AMBRA1: variants seen among roughly 807,000 people sequenced by gnomAD.
The protein encoded by AMBRA1 is autophagy and beclin 1 regulator 1.
Under a neutral mutation model 125.4 loss-of-function variants are expected in AMBRA1, and 47 were observed. That is an observed-to-expected ratio of 0.37 (90% CI 0.30 to 0.48). AMBRA1 has a LOEUF of 0.48. Ranked by LOEUF, AMBRA1 falls within the 20% of genes least tolerant of loss-of-function variation. AMBRA1 has a pLI of 0.99. For synonymous variants in AMBRA1, 626 were observed against 655.5 expected (o/e 0.95, Z 0.69); for missense variants, 1,331 against 1,693.4 (o/e 0.79, Z 3.76).
chr11:46,427,851 A>C (rs1019666638), intron 14 of AMBRA1, among the ~76,000 whole-genome samples: 3 of 152,070 alleles, frequency 2.0e-5, no homozygotes, highest in Admixed American at 6.6e-5. Flanking sequence ...TCTACTAAAA[A>C]TACAAAAATT....
chr11:46,565,717 T>C (rs570593438), intron 1 of AMBRA1, among the ~76,000 whole-genome samples: 1 of 152,030 alleles, frequency 6.6e-6, no homozygotes, highest in Admixed American at 6.5e-5. Context: ...AAAAAAAACG[T>C]GTATAAAAAT....
chr11:46,588,724 G>A (rs916550753), intron 1 of AMBRA1, among the ~76,000 whole-genome samples: 2 of 149,226 alleles, frequency 1.3e-5, no homozygotes, highest in African/African-American at 2.5e-5. Flanking sequence ...GCAGTGAGCC[G>A]AGATCGCGCC....
At chr11:46,536,205 G>C (rs909942116) in intron 7 of AMBRA1, among the ~76,000 whole-genome samples, 1 of 152,176 alleles carries the variant, frequency 6.6e-6, no homozygotes, top group Non-Finnish European at 1.5e-5. Context: ...CATTTACTGA[G>C]CATCTACTGT....
chr11:46,569,465 A>ATATAT (rs1351666371), intron 1 of AMBRA1, among the ~76,000 whole-genome samples: 1 of 147,648 alleles, frequency 6.8e-6, no homozygotes, highest in African/African-American at 2.5e-5. Context: ...ATATATATAT[A>ATATAT]AAGTGCCAAG....
chr11:46,579,777 A>G (rs184107651), intron 1 of AMBRA1, among the ~76,000 whole-genome samples: 18 of 152,270 alleles, frequency 1.2e-4, no homozygotes, highest in Admixed American at 1.2e-3. Context: ...CAGTGACATG[A>G]TATCAGCTCA....
rs866080466 is a variant in AMBRA1 at position 46,496,126 on chromosome 11, C to T, written c.2340-1922G>A. Among the ~76,000 whole-genome samples the T allele has an allele frequency of 8.5e-5, 13 of 152,112 alleles. No homozygotes were observed. In the South Asian group the frequency reaches 1.5e-3, roughly 17 times the overall value. ...CAGTGGCTCACACCTGTAATCCCAA[C>T]ACTCTGGGAGGCTGAGGCAGGAGGA... On this transcript the variant is annotated intron_variant, in intron 9 of 17. Coordinates refer to ENST00000683756, the MANE Select transcript of AMBRA1 (RefSeq NM_001387011.1).
At chr11:46,567,373 T>C (rs1009170634) in intron 1 of AMBRA1, among the ~76,000 whole-genome samples, 2 of 149,586 alleles carry the variant, frequency 1.3e-5, no homozygotes, top group African/African-American at 4.9e-5. Flanking sequence ...AGCACGGCCT[T>C]ATTTATTTTT....
intron 13 of AMBRA1, 103 bp downstream of exon 13, chr11:46,434,746 A>G: frequency 8.2e-7 from 1 of 1,221,366 alleles, no homozygotes; most frequent in Non-Finnish European, 1.1e-6. Flanking sequence ...AGGTAGGGGC[A>G]GTATGTGACC....
intron 11 of AMBRA1, among the ~76,000 whole-genome samples, chr11:46,465,894 C>A (rs1949302811): frequency 6.6e-6 from 1 of 152,162 alleles, no homozygotes; most frequent in African/African-American, 2.4e-5. Flanking sequence ...GCTGTGCCAA[C>A]CAGCGACAGT....
chr11:46,417,407 G>A (rs1000299964), intron 15 of AMBRA1, among the ~76,000 whole-genome samples: 1 of 152,180 alleles, frequency 6.6e-6, no homozygotes, highest in African/African-American at 2.4e-5. Context: ...CAAGCAGAAA[G>A]GAAAACAAGC....
Position 46,508,346 on chromosome 11 carries a change from G to A in AMBRA1, c.2184C>T (p.Ala728=). 1 of 1,614,154 alleles carries A rather than the reference G, an allele frequency of 6.2e-7. No individual in the cohort carries two copies. The highest frequency in any genetic ancestry group is 8.5e-7 in the Non-Finnish European group (1 of 1,180,010). The change falls in exon 9 of 18, where the codon GCC becomes GCT. Residue 728 remains alanine, a synonymous_variant. Coordinates refer to ENST00000683756, the MANE Select transcript of AMBRA1 (RefSeq NM_001387011.1). Reference sequence around the variant, plus strand: ...GTGAGAGATACTGGATCATCCTCTGGGCGTAGTATGCAGCAGGAGATAATC... The same window carrying A: ...GTGAGAGATACTGGATCATCCTCTGAGCGTAGTATGCAGCAGGAGATAATC... ...PARLSPAAYY[A]QRMIQYLSRR... is the part of the protein sequence containing the mutation.
intron 1 of AMBRA1, among the ~76,000 whole-genome samples, chr11:46,584,595 C>A (rs1027976340): frequency 6.6e-6 from 1 of 151,700 alleles, no homozygotes; most frequent in Non-Finnish European, 1.5e-5. Flanking sequence ...GCTATAATCA[C>A]TAGAAAGAAT....
chr11:46,462,959 G>A (rs930888053), intron 11 of AMBRA1, among the ~76,000 whole-genome samples: 7 of 151,846 alleles, frequency 4.6e-5, no homozygotes, highest in Non-Finnish European at 8.8e-5. Context: ...TCACCATATT[G>A]GCCAGGCTGG....
At chr11:46,416,928 G>A (rs1946570981) in intron 15 of AMBRA1, among the ~76,000 whole-genome samples, 1 of 152,188 alleles carries the variant, frequency 6.6e-6, no homozygotes, top group South Asian at 2.1e-4. Context: ...ATGGATGCCT[G>A]GAGAAACTCT....
intron 1 of AMBRA1, among the ~76,000 whole-genome samples, chr11:46,559,136 C>T (rs1799418276): frequency 6.6e-6 from 1 of 152,000 alleles, no homozygotes; most frequent in Non-Finnish European, 1.5e-5. Context: ...CCCGTCTCTA[C>T]TAAAAATGCA....
chr11:46,512,794 G>T lies in AMBRA1; in HGVS notation c.2092C>A (p.Leu698Ile). ...CCATCATAACGGGATAATGAAATGA[G>T]GGAAGATTCCAGCAGCCTCCTAGCA... ...SLRRRLLESS[L>I]ISLSRYDGAG... The change falls in exon 8 of 18, where the codon CTC (leucine) becomes ATC (isoleucine). Residue 698 changes from leucine to isoleucine, a missense_variant. Leu to Ile is a conservative substitution (Grantham distance 5). Coordinates refer to ENST00000683756, the MANE Select transcript of AMBRA1 (RefSeq NM_001387011.1). 1 of 1,612,944 alleles carries T rather than the reference G, an allele frequency of 6.2e-7. No individual in the cohort carries two copies. Among genetic ancestry groups the T allele is most frequent in the South Asian group, 1.1e-5 (1 of 90,850 alleles).
intron 11 of AMBRA1, among the ~76,000 whole-genome samples, chr11:46,453,746 T>C (rs1430433702): frequency 6.6e-6 from 1 of 152,188 alleles, no homozygotes; most frequent in African/African-American, 2.4e-5. Flanking sequence ...AAGCACCACG[T>C]GGCTGTCTAT....
chr11:46,533,602 G>A (rs1952320244), intron 7 of AMBRA1, among the ~76,000 whole-genome samples: 1 of 152,088 alleles, frequency 6.6e-6, no homozygotes, highest in African/African-American at 2.4e-5. Flanking sequence ...GACAGAACAA[G>A]TCACTCCTCC....
At chr11:46,498,650 GA>G (rs1950725487) in intron 9 of AMBRA1, among the ~76,000 whole-genome samples, 1 of 152,156 alleles carries the variant, frequency 6.6e-6, no homozygotes. Flanking sequence ...GCTGTAATTT[GA>G]AGGAATGAAA....
Sources: allele counts gnomAD v4.1 joint callset (sites outside exome capture counted in the v4.1 genomes callset), GRCh38; gene constraint gnomAD v4.1.1; transcripts MANE v1.5; gene names NCBI Gene and HGNC (gene_info 2026-07-23, HGNC 2026-07-21).